Variants in EPHB2 observed in about 807,000 individuals in gnomAD.
EPHB2 encodes ephrin type-B receptor 2.
In EPHB2, 18 loss-of-function variants were observed where a neutral mutation model predicts 96.4. The observed-to-expected ratio is 0.19, with a 90% CI of 0.13 to 0.28. The LOEUF is 0.28. Among genes scored for constraint, EPHB2 ranks in the 10% least tolerant of loss-of-function variants. The pLI is 1.00. For missense variants in EPHB2, 989 were observed against 1,355.4 expected (o/e 0.73, Z 4.25); for synonymous variants, 506 against 534.1 (o/e 0.95, Z 0.72).
At chr1:22,887,166 A>G (rs1473658994) in intron 6 of EPHB2, among the ~76,000 whole-genome samples, 2 of 152,062 alleles carry the variant, frequency 1.3e-5, no homozygotes, top group Admixed American at 1.3e-4. Flanking sequence ...AAGAAAGCGG[A>G]GTTGATGAAA....
intron 1 of EPHB2, among the ~76,000 whole-genome samples, chr1:22,749,701 G>A (rs1428675273): frequency 1.3e-5 from 2 of 152,134 alleles, no homozygotes. Flanking sequence ...TCCACAGGGT[G>A]GCTTATGTCT....
chr1:22,863,658 A>G (rs1015488903), intron 4 of EPHB2, among the ~76,000 whole-genome samples: 1 of 152,226 alleles, frequency 6.6e-6, no homozygotes, highest in African/African-American at 2.4e-5. Flanking sequence ...GCTGAGCCCT[A>G]TGGCTGAAAC....
In EPHB2 at chr1:22,863,164, C is replaced by T; in HGVS notation, c.939C>T (p.Asp313=). The change falls in exon 4 of 16, where the codon GAC becomes GAT. Residue 313 remains aspartate, a synonymous_variant. Transcript: ENST00000374630. ...GCCGCAATGGCTACTACAGAGCAGA[C>T]CTGGACCCCCTGGACATGCCCTGCA... ...CVCRNGYYRA[D]LDPLDMPCTT... 1 of 1,614,218 alleles carries T rather than the reference C, an allele frequency of 6.2e-7. No individual in the cohort carries two copies. Among genetic ancestry groups the T allele is most frequent in the Middle Eastern group, 1.6e-4 (1 of 6,062 alleles).
chr1:22,858,148 G>A lies in EPHB2; in HGVS notation c.812-4889G>A, dbSNP rs142791369. 5.4e-4 allele frequency among the ~76,000 whole-genome samples: 82 copies of A among 152,208 alleles called. No individual in the cohort carries two copies. Among genetic ancestry groups the A allele is most frequent in the East Asian group, 2.9e-3 (15 of 5,170 alleles). ...ACGGGAAGAGCAGGGAAAGCCTTCCGGGCAGAGGGAACAGCTTGGCCAAAG... is the reference window on the plus strand; with the variant it reads ...ACGGGAAGAGCAGGGAAAGCCTTCCAGGCAGAGGGAACAGCTTGGCCAAAG... On this transcript the variant is annotated intron_variant, in intron 3 of 15. Coordinates refer to ENST00000374630, the MANE Select transcript of EPHB2 (RefSeq NM_017449.5). The surrounding 1 kb of genome is among the most constrained non-coding windows in gnomAD (Gnocchi z 7.7).
At chr1:22,740,091 T>C (rs960704402) in intron 1 of EPHB2, among the ~76,000 whole-genome samples, 1 of 152,238 alleles carries the variant, frequency 6.6e-6, no homozygotes, top group African/African-American at 2.4e-5. Context: ...ACGATTTGCC[T>C]GAGCCCTTCG....
At chr1:22,878,317 C>T (rs1030828836) in intron 5 of EPHB2, among the ~76,000 whole-genome samples, 2 of 152,262 alleles carry the variant, frequency 1.3e-5, no homozygotes, top group African/African-American at 4.8e-5. Context: ...AAAATGGGAG[C>T]TTGGACCCCA....
At chr1:22,781,310 A>G in intron 1 of EPHB2, 111 bp from the exon 2 acceptor site, 2 of 1,069,288 alleles carry the variant, frequency 1.9e-6, no homozygotes, top group East Asian at 5.3e-5. Context: ...ACAGAGCCAG[A>G]CTCCGTCTAA....
intron 3 of EPHB2, among the ~76,000 whole-genome samples, chr1:22,808,038 G>C (rs1477454028): frequency 2.0e-5 from 3 of 152,120 alleles, no homozygotes; most frequent in Non-Finnish European, 4.4e-5. Context: ...GGAGGCTGAG[G>C]CAGGAGAATT....
intron 1 of EPHB2, among the ~76,000 whole-genome samples, chr1:22,776,642 C>T (rs55853118): frequency 0.16 from 24,576 of 152,242 alleles, 2,127 homozygotes; most frequent in Admixed American, 0.21. Context: ...TCCTTCCTGT[C>T]ATGGCAAGAG....
intron 1 of EPHB2, among the ~76,000 whole-genome samples, chr1:22,739,564 C>G (rs1643879613): frequency 6.6e-6 from 1 of 152,178 alleles, no homozygotes; most frequent in African/African-American, 2.4e-5. Flanking sequence ...TTTTCCATTT[C>G]ACCACATCAC....
chr1:22,888,960 G>A (rs572792582), intron 6 of EPHB2, among the ~76,000 whole-genome samples: 1 of 152,262 alleles, frequency 6.6e-6, no homozygotes, highest in East Asian at 1.9e-4. Context: ...CTCCAGACCA[G>A]CCTGGGTAAC....
intron 3 of EPHB2, among the ~76,000 whole-genome samples, chr1:22,791,996 G>A (rs894413201): frequency 6.6e-6 from 1 of 152,160 alleles, no homozygotes; most frequent in Non-Finnish European, 1.5e-5. Flanking sequence ...TTGCTGGCAT[G>A]CTCTCCAGCA....
In EPHB2 at chr1:22,711,033, C is replaced by G. The variant is rs761740902; in HGVS notation, c.51C>G (p.Ala17=). Reference sequence around the variant, plus strand: ...CGCTGCTGCTGCTGCCGCTGCTCGCCGCCGTGGAAGGTGAGCGAGCGGGCG... The same window carrying G: ...CGCTGCTGCTGCTGCCGCTGCTCGCGGCCGTGGAAGGTGAGCGAGCGGGCG... ...GAALLLLPLL[A]AVEETLMDST... Residue 17 remains alanine (A), a synonymous_variant, in exon 1 of 16, where the codon GCC becomes GCG. Transcript: ENST00000374630. 1 of 149,100 alleles carries G rather than the reference C, an allele frequency of 6.7e-6. No homozygotes were observed. Among genetic ancestry groups the G allele is most frequent in the Non-Finnish European group, 1.5e-5 (1 of 67,770 alleles). 9.2% of individuals were successfully genotyped at this position (149,100 alleles called of 1,614,324 possible). A position where few individuals can be genotyped will look rare whatever the true frequency, so the allele number is the denominator to read the frequency against.
intron 6 of EPHB2, among the ~76,000 whole-genome samples, chr1:22,884,992 G>C (rs1317186605): frequency 2.0e-5 from 3 of 152,168 alleles, no homozygotes; most frequent in Non-Finnish European, 4.4e-5. Context: ...CCCAGCGCCT[G>C]GCACACAGTA....
intron 3 of EPHB2, among the ~76,000 whole-genome samples, chr1:22,822,329 T>A (rs945954655): frequency 1.1e-4 from 16 of 148,126 alleles, no homozygotes; most frequent in Admixed American, 1.3e-4. Context: ...TTTTTTAATT[T>A]AAAAAAAAAA....
At chr1:22,821,424 A>AT (rs1425154008) in intron 3 of EPHB2, among the ~76,000 whole-genome samples, 4 of 152,158 alleles carry the variant, frequency 2.6e-5, no homozygotes, top group Non-Finnish European at 5.9e-5. Flanking sequence ...TTAGATGGAA[A>AT]TTTACAGTGC....
intron 3 of EPHB2, among the ~76,000 whole-genome samples, chr1:22,855,211 C>T (rs2148513716): frequency 6.6e-6 from 1 of 152,324 alleles, no homozygotes; most frequent in South Asian, 2.1e-4. Flanking sequence ...CCTGGGTTCA[C>T]AGAGCAAATG....
chr1:22,863,014 A>C (rs940755901), intron 3 of EPHB2, 23 bp from the exon 4 acceptor site: 1 of 1,613,072 alleles, frequency 6.2e-7, no homozygotes, highest in Admixed American at 1.7e-5. Flanking sequence ...TTTCCTGGTG[A>C]CTCTCCTTGT....
chr1:22,800,949 G>C (rs776232227), intron 3 of EPHB2, among the ~76,000 whole-genome samples: 2 of 152,156 alleles, frequency 1.3e-5, no homozygotes, highest in African/African-American at 2.4e-5. Flanking sequence ...TTTGCGCAAC[G>C]CTCCATCCCT....
Sources: allele counts gnomAD v4.1 joint callset (sites outside exome capture counted in the v4.1 genomes callset), GRCh38; gene constraint gnomAD v4.1.1; non-coding constraint Gnocchi (gnomAD v3.1); transcripts MANE v1.5; gene names NCBI Gene and HGNC (gene_info 2026-07-23, HGNC 2026-07-21).